The following MFHAS1 variants were observed in gnomAD, a reference collection of about 807,000 sequenced individuals.
The protein encoded by MFHAS1 is multifunctional ROCO family signaling regulator 1.
A neutral mutation model predicts 70.4 loss-of-function variants in MFHAS1; 50 were observed. The ratio of observed to expected loss-of-function variants is 0.71; its 90% CI spans 0.57 to 0.90. The LOEUF is 0.90. MFHAS1 is among the 40% of genes least tolerant of loss of function. MFHAS1 has a pLI of 0.00. For synonymous variants in MFHAS1, 952 were observed against 620.0 expected (o/e 1.54, Z -7.96); for missense variants, 1,795 against 1,347.6 (o/e 1.33, Z -5.20).
chr8:8,889,255 A>G (rs1043960945), intron 1 of MFHAS1, among the ~76,000 whole-genome samples: 3 of 152,178 alleles, frequency 2.0e-5, no homozygotes, highest in Non-Finnish European at 4.4e-5. Context: ...AAAACTCGAA[A>G]CTGCCAGGAA....
intron 1 of MFHAS1, among the ~76,000 whole-genome samples, chr8:8,838,731 T>C (rs1807696616): frequency 6.6e-6 from 1 of 150,456 alleles, no homozygotes; most frequent in African/African-American, 2.4e-5. Context: ...GAGAATCGGT[T>C]GAACTGGGAG....
chr8:8,794,170 A>G (rs1242155149), intron 2 of MFHAS1, among the ~76,000 whole-genome samples: 1 of 151,992 alleles, frequency 6.6e-6, no homozygotes, highest in Non-Finnish European at 1.5e-5. Flanking sequence ...AGCCTGGGTG[A>G]CAGAGTGAGA....
intron 1 of MFHAS1, among the ~76,000 whole-genome samples, chr8:8,876,926 T>A (rs533167163): frequency 5.4e-4 from 80 of 148,500 alleles, no homozygotes; most frequent in Admixed American, 5.0e-3. Context: ...AGAGCAAGAC[T>A]CAGTCAAAAA....
chr8:8,879,751 C>A (rs779046344), intron 1 of MFHAS1, among the ~76,000 whole-genome samples: 12 of 152,162 alleles, frequency 7.9e-5, no homozygotes, highest in Non-Finnish European at 1.6e-4. Flanking sequence ...CAACACAGCT[C>A]CCCAAGCCCA....
chr8:8,818,276 AC>A (rs1806820949), intron 1 of MFHAS1, among the ~76,000 whole-genome samples: 1 of 152,144 alleles, frequency 6.6e-6, no homozygotes, highest in Non-Finnish European at 1.5e-5. Context: ...TTCTCTGCAC[AC>A]CCTACAACCT....
chr8:8,891,175 G>A lies in MFHAS1; in HGVS notation c.1884C>T (p.Ser628=), dbSNP rs1411996332. Residue 628 remains serine (S), a synonymous_variant, in exon 1 of 3, where the codon AGC becomes AGT. Transcript: ENST00000276282. This position sits in a 1 kb window ranked among gnomAD's most constrained non-coding sequence, Gnocchi z 5.4. Reference sequence around the variant, plus strand: ...GTCGTAAGTGGCGCGGGTCCCTGCAGCTAACAGGCAACACGGGGGAGAGGA... The same window carrying A: ...GTCGTAAGTGGCGCGGGTCCCTGCAACTAACAGGCAACACGGGGGAGAGGA... ...LQILSPVLPV[S]CRDPRHLRRL... The A allele has an allele frequency of 6.2e-7, 1 of 1,613,368 alleles. No individual in the cohort carries two copies. The highest frequency in any genetic ancestry group is 1.7e-5 in the Admixed American group (1 of 60,036).
chr8:8,857,628 C>T (rs993428275), intron 1 of MFHAS1, among the ~76,000 whole-genome samples: 2 of 151,338 alleles, frequency 1.3e-5, no homozygotes, highest in African/African-American at 4.9e-5. Context: ...GGCATGGTGG[C>T]GGGTGCCTGT....
chr8:8,820,555 C>T (rs532919168), intron 1 of MFHAS1, among the ~76,000 whole-genome samples: 2 of 152,282 alleles, frequency 1.3e-5, no homozygotes, highest in East Asian at 1.9e-4. Flanking sequence ...AACAATTTTA[C>T]GTAAGTAGAC....
At chr8:8,817,579 C>T (rs941251004) in intron 1 of MFHAS1, among the ~76,000 whole-genome samples, 2 of 152,246 alleles carry the variant, frequency 1.3e-5, no homozygotes, top group African/African-American at 4.8e-5. Flanking sequence ...TGGACTCCAT[C>T]CCAGCCCGCA....
intron 1 of MFHAS1, among the ~76,000 whole-genome samples, chr8:8,808,655 C>T (rs189600209): frequency 6.6e-6 from 1 of 152,340 alleles, no homozygotes; most frequent in East Asian, 1.9e-4. Flanking sequence ...AGTTTTGCTG[C>T]TACACCTCAA....
chr8:8,830,647 G>A (rs545912746), intron 1 of MFHAS1, among the ~76,000 whole-genome samples: 1 of 152,270 alleles, frequency 6.6e-6, no homozygotes, highest in African/African-American at 2.4e-5. Flanking sequence ...CTTTCTTCTA[G>A]GCTGCAGTGC....
chr8:8,862,193 G>A (rs570046608), intron 1 of MFHAS1, among the ~76,000 whole-genome samples: 15 of 152,174 alleles, frequency 9.9e-5, no homozygotes, highest in Admixed American at 5.9e-4. Flanking sequence ...GTCAACATTT[G>A]GTATGGTCAG....
In MFHAS1 at chr8:8,856,983, A is replaced by G. The variant is rs1261383146; in HGVS notation, c.2998+33078T>C. Among the ~76,000 whole-genome samples the G allele has an allele frequency of 7.2e-4, 31 of 43,010 alleles. No homozygotes were observed. In the East Asian group the frequency reaches 0.026, roughly 37 times the overall value. The allele number at this position is 43,010 out of a possible 152,430, so 28.2% of individuals were successfully genotyped here. On this transcript the variant is annotated intron_variant, in intron 1 of 2. Coordinates refer to ENST00000276282, the MANE Select transcript of MFHAS1 (RefSeq NM_004225.3). The stretch of plus-strand genomic sequence containing the variant: ...GACACTTTCACATCAGGAAAGTGAA[A>G]AAAAAAAAAAAAAAAAAAAAAAAAA...
In MFHAS1 at chr8:8,822,176, C is replaced by G. The variant is rs78886904; in HGVS notation, c.2999-24685G>C. On this transcript the variant is annotated intron_variant, in intron 1 of 2. Transcript: ENST00000276282. ...GCAGGCTGAGAGGAGCTGAAGCAGG[C>G]AGATCAGACAGCTCCCTGGGGATTT... is the stretch of plus-strand genomic sequence containing the variant. 5.2e-3 allele frequency: 787 copies of G among 152,580 alleles called. 11 individuals carry two copies. The highest frequency in any genetic ancestry group is 0.018 in the African/African-American group (758 of 41,590). The allele number at this position is 152,580 out of a possible 1,614,324, so 9.5% of individuals were successfully genotyped here.
intron 1 of MFHAS1, among the ~76,000 whole-genome samples, chr8:8,832,952 T>C (rs1468666097): frequency 1.3e-5 from 2 of 152,198 alleles, no homozygotes; most frequent in Non-Finnish European, 1.5e-5. Flanking sequence ...AGAGGCTTAA[T>C]TGGCTCACAG....
At chr8:8,875,028 C>T (rs572157700) in intron 1 of MFHAS1, among the ~76,000 whole-genome samples, 48 of 151,990 alleles carry the variant, frequency 3.2e-4, no homozygotes, top group Non-Finnish European at 6.6e-4. Flanking sequence ...TAGTTAAAAT[C>T]TTCAGTCACC....
intron 1 of MFHAS1, among the ~76,000 whole-genome samples, chr8:8,814,849 CTTT>C (rs34438669): frequency 0.014 from 1,774 of 130,408 alleles, 15 homozygotes; most frequent in East Asian, 0.045. Context: ...GCTAGAATTT[CTTT>C]TTTTTTTTTT....
intron 1 of MFHAS1, among the ~76,000 whole-genome samples, chr8:8,838,712 G>A (rs1466405969): frequency 6.6e-6 from 1 of 151,700 alleles, no homozygotes; most frequent in Non-Finnish European, 1.5e-5. Context: ...ACTCAGGAGG[G>A]TGAGGCAGGA....
intron 1 of MFHAS1, among the ~76,000 whole-genome samples, chr8:8,836,024 G>A (rs1408764596): frequency 6.6e-6 from 1 of 152,158 alleles, no homozygotes; most frequent in African/African-American, 2.4e-5. Context: ...TTACTATCTA[G>A]CCCTTCAAAG....
Sources: gnomAD v4.1 joint callset for allele counts (sites outside exome capture counted in the v4.1 genomes callset) on GRCh38, gnomAD v4.1.1 for gene constraint, Gnocchi (gnomAD v3.1) non-coding constraint, MANE v1.5 for transcripts, NCBI Gene and HGNC (gene_info 2026-07-23, HGNC 2026-07-21) for gene names.